The following VWC2 variants were observed in gnomAD, a reference collection of about 807,000 sequenced individuals.
The protein encoded by VWC2 is von Willebrand factor C domain containing 2, also known as brorin.
Under a neutral mutation model 29.8 loss-of-function variants are expected in VWC2, and 14 were observed. The ratio of observed to expected loss-of-function variants is 0.47; its 90% confidence interval spans 0.31 to 0.74. The LOEUF is 0.74. Ranked by LOEUF, VWC2 falls within the 30% of genes least tolerant of loss-of-function variation. The pLI, the probability that VWC2 is intolerant of heterozygous loss-of-function variation, is 0.05. For synonymous variants in VWC2, 213 were observed against 199.0 expected (o/e 1.07, Z -0.59); for missense variants, 457 against 459.8 (o/e 0.99, Z 0.05).
rs189965461 is a variant in VWC2, at chr7:49,794,051, G to C, written c.697-8660G>C. 3.9e-5 allele frequency among the ~76,000 whole-genome samples: 6 copies of C among 152,318 alleles called. No individual in the cohort carries two copies. The East Asian group carries it at 9.7e-4, about 25-fold the overall frequency. On this transcript the variant is annotated intron_variant, in intron 2 of 3. Transcript: ENST00000340652. ...GGGGCTAAGCAGAGCTGGCTGTAGA[G>C]TTTCTTTGAATGCCTCCTCCCAGAG... is the stretch of plus-strand genomic sequence containing the variant.
At chr7:49,780,542 A>G (rs1205833432) in intron 2 of VWC2, among the ~76,000 whole-genome samples, 3 of 152,232 alleles carry the variant, frequency 2.0e-5, no homozygotes, top group Non-Finnish European at 4.4e-5. Context: ...CATGTTTTAT[A>G]AAACCTAATG....
At chr7:49,812,653 T>A (rs1352543716) in intron 3 of VWC2, among the ~76,000 whole-genome samples, 1 of 152,086 alleles carries the variant, frequency 6.6e-6, no homozygotes, top group Non-Finnish European at 1.5e-5. Flanking sequence ...CACCCAGCAG[T>A]GTGAGCAGTG....
At chr7:49,805,600 C>T (rs2128706466) in intron 3 of VWC2, among the ~76,000 whole-genome samples, 1 of 152,232 alleles carries the variant, frequency 6.6e-6, no homozygotes, top group East Asian at 1.9e-4. Context: ...AAAACAGTTT[C>T]TATGAAAAAC....
intron 2 of VWC2, among the ~76,000 whole-genome samples, chr7:49,796,619 G>C (rs1010581247): frequency 1.3e-5 from 2 of 152,198 alleles, no homozygotes; most frequent in Non-Finnish European, 2.9e-5. Context: ...GGATAGAGTA[G>C]GAGGTAGTGT....
chr7:49,799,064 G>A (rs1006212459), intron 2 of VWC2, among the ~76,000 whole-genome samples: 7 of 152,216 alleles, frequency 4.6e-5, no homozygotes, highest in Admixed American at 1.3e-4. Flanking sequence ...GGCTCAGGGG[G>A]TTGGCATGGC....
intron 3 of VWC2, among the ~76,000 whole-genome samples, chr7:49,805,000 C>A (rs957656631): frequency 6.6e-6 from 1 of 152,136 alleles, no homozygotes; most frequent in African/African-American, 2.4e-5. Context: ...CTACATTGAG[C>A]AGTTACTTGA....
rs1793919955 is a variant in VWC2 at position 49,919,674 on chromosome 7, A to G, written c.*7489A>G. 6.6e-6 allele frequency: 1 copy of G among 152,286 alleles called. No homozygotes were observed. Among genetic ancestry groups the G allele is most frequent in the African/African-American group, 2.4e-5 (1 of 41,452 alleles). The allele number at this position is 152,286 out of a possible 1,614,324, so 9.4% of individuals were successfully genotyped here. ...CAAGGTGTATGCTATTTCTTAAAAC[A>G]AAAACAAAGATTGTCCCCACTCCAA... On this transcript the variant is annotated 3_prime_UTR_variant, in exon 4 of 4. Coordinates refer to ENST00000340652, the MANE Select transcript of VWC2 (RefSeq NM_198570.5).
At chr7:49,824,962 C>G (rs1789359483) in intron 3 of VWC2, among the ~76,000 whole-genome samples, 1 of 152,044 alleles carries the variant, frequency 6.6e-6, no homozygotes, top group African/African-American at 2.4e-5. Context: ...CTTTCCTACT[C>G]TTCCTAAGCC....
intron 3 of VWC2, among the ~76,000 whole-genome samples, chr7:49,865,063 A>C (rs1196231917): frequency 6.6e-6 from 1 of 152,330 alleles, no homozygotes; most frequent in East Asian, 1.9e-4. Flanking sequence ...TTTTTTGTAA[A>C]GAATTGTAAA....
chr7:49,865,812 AC>A (rs1306470616), intron 3 of VWC2, among the ~76,000 whole-genome samples: 1 of 152,120 alleles, frequency 6.6e-6, no homozygotes, highest in Non-Finnish European at 1.5e-5. Flanking sequence ...TTATCCCAGC[AC>A]CCAGAATGCT....
chr7:49,810,462 A>C (rs536926636), intron 3 of VWC2, among the ~76,000 whole-genome samples: 4 of 152,254 alleles, frequency 2.6e-5, no homozygotes, highest in Admixed American at 2.6e-4. Flanking sequence ...GTTCTTCCCA[A>C]ATTAAAATAT....
At chr7:49,869,950 G>A (rs1231495021) in intron 3 of VWC2, among the ~76,000 whole-genome samples, 1 of 152,142 alleles carries the variant, frequency 6.6e-6, no homozygotes, top group Non-Finnish European at 1.5e-5. Context: ...AGATGTGGTT[G>A]TCTCAAAATA....
chr7:49,821,663 TG>T (rs941162398), intron 3 of VWC2, among the ~76,000 whole-genome samples: 181 of 149,788 alleles, frequency 1.2e-3, no homozygotes, highest in African/African-American at 4.0e-3. Context: ...TATTCTTGGA[TG>T]AAAAAAAAAA....
chr7:49,892,115 G>A (rs927475562), intron 3 of VWC2, among the ~76,000 whole-genome samples: 4 of 130,106 alleles, frequency 3.1e-5, no homozygotes, highest in Admixed American at 9.7e-5. Flanking sequence ...CGCAATCTCG[G>A]CTCACTGCAA....
chr7:49,813,868 G>T (rs1043099142), intron 3 of VWC2, among the ~76,000 whole-genome samples: 1 of 152,108 alleles, frequency 6.6e-6, no homozygotes, highest in Non-Finnish European at 1.5e-5. Flanking sequence ...AAGCAAAAAA[G>T]AGAACCATAG....
In VWC2 at chr7:49,912,870, A is replaced by G. The variant is rs1189707743; in HGVS notation, c.*685A>G. ...GCTCCTGTATTGTACACCATAGGTA[A>G]GCACATACATATATTTCATTCTTAT... On this transcript the variant is annotated 3_prime_UTR_variant, in exon 4 of 4. Coordinates refer to ENST00000340652, the MANE Select transcript of VWC2 (RefSeq NM_198570.5). 1 of 152,182 alleles carries G rather than the reference A, an allele frequency of 6.6e-6. No individual in the cohort carries two copies. The highest frequency in any genetic ancestry group is 1.5e-5 in the Non-Finnish European group (1 of 68,034). 9.4% of individuals were successfully genotyped at this position (152,182 alleles called of 1,614,324 possible).
intron 3 of VWC2, among the ~76,000 whole-genome samples, chr7:49,835,320 G>A (rs1789631546): frequency 6.6e-6 from 1 of 152,160 alleles, no homozygotes; most frequent in Admixed American, 6.5e-5. Flanking sequence ...ATAATTAAAG[G>A]GGGCTCACAT....
chr7:49,824,991 A>G (rs1342858197), intron 3 of VWC2, among the ~76,000 whole-genome samples: 1 of 151,700 alleles, frequency 6.6e-6, no homozygotes, highest in African/African-American at 2.4e-5. Context: ...ACATATGAAA[A>G]CTTCTTATTT....
chr7:49,826,379 A>T (rs909164303), intron 3 of VWC2, among the ~76,000 whole-genome samples: 3 of 152,224 alleles, frequency 2.0e-5, no homozygotes, highest in African/African-American at 4.8e-5. Flanking sequence ...AGCATTTTTT[A>T]AAAAAGGATC....
Sources: gnomAD v4.1 joint callset for allele counts (sites outside exome capture counted in the v4.1 genomes callset) on GRCh38, gnomAD v4.1.1 for gene constraint, MANE v1.5 for transcripts, NCBI Gene and HGNC (gene_info 2026-07-23, HGNC 2026-07-21) for gene names.